WWTR1: variants seen among roughly 807,000 people sequenced by gnomAD.
WWTR1 encodes the protein WW domain-containing transcription regulator protein 1.
A neutral mutation model predicts 40.1 loss-of-function variants in WWTR1; 13 were observed. That is an observed-to-expected ratio of 0.32 (90% CI 0.21 to 0.52). WWTR1 has a LOEUF of 0.52. Ranked by LOEUF, WWTR1 falls within the 20% of genes least tolerant of loss-of-function variation. The pLI is 0.97. For synonymous variants in WWTR1, 230 were observed against 210.1 expected, an observed-to-expected ratio of 1.09 and a Z score of -0.82; for missense variants, 436 against 523.1, an observed-to-expected ratio of 0.83 and a Z score of 1.63.
At chr3:149,586,004 T>C (rs529262652) in intron 2 of WWTR1, among the ~76,000 whole-genome samples, 7 of 152,270 alleles carry the variant, frequency 4.6e-5, no homozygotes, top group African/African-American at 1.7e-4. Flanking sequence ...CTCCAAACAG[T>C]AAGTATCTTT....
intron 6 of WWTR1, 139 bp from the exon 7 acceptor site, chr3:149,521,128 G>A: frequency 9.6e-7 from 1 of 1,041,994 alleles, no homozygotes; most frequent in Non-Finnish European, 1.3e-6. Context: ...GAGGTACAGA[G>A]ATGTGGAAGA....
intron 2 of WWTR1, among the ~76,000 whole-genome samples, chr3:149,667,210 G>A (rs1713856160): frequency 6.6e-6 from 1 of 152,026 alleles, no homozygotes; most frequent in Non-Finnish European, 1.5e-5. Context: ...TTTGTAAATT[G>A]TTTAGTTGGA....
chr3:149,566,214 C>T (rs1737319388), intron 3 of WWTR1, among the ~76,000 whole-genome samples: 1 of 152,084 alleles, frequency 6.6e-6, no homozygotes, highest in African/African-American at 2.4e-5. Flanking sequence ...GAAAACTTTT[C>T]CTTCTTTTTT....
intron 1 of WWTR1, among the ~76,000 whole-genome samples, chr3:149,684,418 C>T (rs1440903158): frequency 6.6e-6 from 1 of 152,072 alleles, no homozygotes; most frequent in Admixed American, 6.6e-5. Flanking sequence ...AATACCATTT[C>T]AAGATTCTAA....
Position 149,533,142 on chromosome 3 carries a change from C to T in WWTR1, c.772-5173G>A, listed in dbSNP as rs376360155. Among the ~76,000 whole-genome samples, 9 of 152,280 alleles carry T rather than the reference C, an allele frequency of 5.9e-5. No individual in the cohort carries two copies. The East Asian group carries it at 1.5e-3, about 26-fold the overall frequency. ...CAGGGTCCCCTCTGTGTCCACCCTG[C>T]CCTCCAAACAAACCTTCAGTTTCCT... On this transcript the variant is annotated intron_variant, in intron 4 of 6. Coordinates refer to ENST00000360632, the MANE Select transcript of WWTR1 (RefSeq NM_015472.6).
chr3:149,722,174 A>G (rs1000626741), intron 4 of WWTR1, among the ~76,000 whole-genome samples: 4 of 152,044 alleles, frequency 2.6e-5, no homozygotes, highest in African/African-American at 7.2e-5. Context: ...TTTTGGAAGA[A>G]CCATCTTCAG....
chr3:149,695,268 C>T (rs1039183821), intron 1 of WWTR1, among the ~76,000 whole-genome samples: 2 of 151,544 alleles, frequency 1.3e-5, no homozygotes, highest in African/African-American at 4.9e-5. Context: ...GTGACTACAG[C>T]CAACAATAAT....
At position 149,527,875 on chromosome 3, in the gene WWTR1, C is replaced by T; in HGVS notation, c.866G>A (p.Arg289Lys). ...ATCTGAGCTATTATTAGTGATGGAT[C>T]TCATGTCTGGGGTCATCGTGGGTGG... Reference protein sequence around the residue: ...VNPPTMTPDMRSITNNSSDPF... With the variant: ...VNPPTMTPDMKSITNNSSDPF... Residue 289 changes from arginine (R) to lysine (K), a missense_variant, in exon 5 of 7, where the codon AGA (arginine) becomes AAA (lysine). Arg to Lys is a conservative substitution (Grantham distance 26). Transcript: ENST00000360632. The T allele has an allele frequency of 6.2e-7, 1 of 1,614,068 alleles. No homozygotes were observed. Among genetic ancestry groups the T allele is most frequent in the Non-Finnish European group, 8.5e-7 (1 of 1,180,008 alleles).
intron 5 of WWTR1, among the ~76,000 whole-genome samples, chr3:149,715,486 C>G (rs981646004): frequency 1.3e-5 from 2 of 152,254 alleles, no homozygotes; most frequent in East Asian, 3.8e-4. Flanking sequence ...TATTTGTGCG[C>G]AGTGGCCGGA....
intron 2 of WWTR1, among the ~76,000 whole-genome samples, chr3:149,651,487 A>C (rs1712861397): frequency 6.6e-6 from 1 of 152,216 alleles, no homozygotes; most frequent in Non-Finnish European, 1.5e-5. Flanking sequence ...AGAAGACTCG[A>C]TAGGTTAGAC....
At chr3:149,684,563 T>A (rs911882740) in intron 1 of WWTR1, among the ~76,000 whole-genome samples, 108 of 74,650 alleles carry the variant, frequency 1.4e-3, no homozygotes, top group South Asian at 5.3e-3. Context: ...TCATTATTCT[T>A]TTTTTTTTTT....
intron 2 of WWTR1, among the ~76,000 whole-genome samples, chr3:149,583,042 T>C (rs1738227341): frequency 6.6e-6 from 1 of 152,204 alleles, no homozygotes; most frequent in South Asian, 2.1e-4. Flanking sequence ...CTTGGTTCAC[T>C]GCAACCTCCG....
intron 2 of WWTR1, among the ~76,000 whole-genome samples, chr3:149,620,360 T>C (rs1740210421): frequency 6.6e-6 from 1 of 152,158 alleles, no homozygotes; most frequent in South Asian, 2.1e-4. Flanking sequence ...TGGAACCTCT[T>C]TGGTCAGCCA....
chr3:149,523,582 G>T (rs1490918995), intron 6 of WWTR1, among the ~76,000 whole-genome samples: 1 of 152,216 alleles, frequency 6.6e-6, no homozygotes, highest in African/African-American at 2.4e-5. Context: ...GATTACTGCA[G>T]AATATTCTGG....
At chr3:149,620,602 A>C (rs945253056) in intron 2 of WWTR1, among the ~76,000 whole-genome samples, 1 of 146,184 alleles carries the variant, frequency 6.8e-6, no homozygotes, top group Non-Finnish European at 1.5e-5. Flanking sequence ...TTTGTAAAAG[A>C]CTTCTTTAAA....
intron 5 of WWTR1, among the ~76,000 whole-genome samples, chr3:149,527,039 T>C (rs1048191480): frequency 6.6e-6 from 1 of 152,196 alleles, no homozygotes; most frequent in Non-Finnish European, 1.5e-5. Flanking sequence ...AGTGATAACA[T>C]CTTACATAAC....
At chr3:149,647,050 A>G (rs2108139717) in intron 2 of WWTR1, among the ~76,000 whole-genome samples, 1 of 152,286 alleles carries the variant, frequency 6.6e-6, no homozygotes, top group South Asian at 2.1e-4. Context: ...GTGAAAAAAA[A>G]AGAAGGTGCA....
At chr3:149,651,829 C>CTT (rs764013293) in intron 2 of WWTR1, among the ~76,000 whole-genome samples, 2,127 of 117,988 alleles carry the variant, frequency 0.018, 53 homozygotes, top group Non-Finnish European at 0.026. Flanking sequence ...TATGGATTTT[C>CTT]TTTTTTTTTT....
chr3:149,700,056 T>C (rs3943754), intron 1 of WWTR1, among the ~76,000 whole-genome samples: 28,401 of 152,028 alleles, frequency 0.19, 3,579 homozygotes, highest in African/African-American at 0.36. Context: ...AGCACCAACA[T>C]CTATTCAGCT....
Sources: gnomAD v4.1 joint callset for allele counts (sites outside exome capture counted in the v4.1 genomes callset) on GRCh38, gnomAD v4.1.1 for gene constraint, MANE v1.5 for transcripts, NCBI Gene and HGNC (gene_info 2026-07-23, HGNC 2026-07-21) for gene names.